CSTF3: variants seen among roughly 807,000 people sequenced by gnomAD.
CSTF3 encodes CF-1 77 kDa subunit.
A neutral mutation model predicts 105.8 loss-of-function variants in CSTF3; 29 were observed. That is an observed-to-expected ratio of 0.27 (90% CI 0.20 to 0.37). The LOEUF (loss-of-function observed/expected upper bound fraction) is 0.37, where lower values mean the gene tolerates loss of function less well. Ranked by LOEUF, CSTF3 falls within the 10% of genes least tolerant of loss-of-function variation. CSTF3 has a pLI of 1.00. For synonymous variants in CSTF3, 252 were observed against 281.9 expected (o/e 0.89, Z 1.06); for missense variants, 357 against 879.3 (o/e 0.41, Z 7.51).
At chr11:33,120,193 A>T (rs1415788936) in intron 3 of CSTF3, among the ~76,000 whole-genome samples, 1 of 151,750 alleles carries the variant, frequency 6.6e-6, no homozygotes, top group Non-Finnish European at 1.5e-5. Flanking sequence ...GCTAAACAGC[A>T]TGTATCTAGG....
At chr11:33,148,193 G>T (rs1383432219) in intron 1 of CSTF3, among the ~76,000 whole-genome samples, 2 of 152,080 alleles carry the variant, frequency 1.3e-5, no homozygotes, top group Non-Finnish European at 2.9e-5. Context: ...ACAATAAGAC[G>T]TATACATGTC....
rs912113098 is a variant in CSTF3, at chr11:33,131,612, C to T, written c.225+10055G>A. The stretch of plus-strand genomic sequence containing the variant: ...CTGTAATCCCCGCACTTTGGGAGGC[C>T]GAGGCAGGCGGATCACGAGGTCAGG... On this transcript the variant is annotated intron_variant, in intron 3 of 20. Transcript: ENST00000323959. Among the ~76,000 whole-genome samples the T allele has an allele frequency of 4.6e-5, 7 of 151,886 alleles. No homozygotes were observed. In the East Asian group the frequency reaches 9.7e-4, roughly 21 times the overall value.
intron 3 of CSTF3, among the ~76,000 whole-genome samples, chr11:33,122,341 T>G (rs559867516): frequency 2.0e-5 from 3 of 152,290 alleles, no homozygotes; most frequent in Admixed American, 2.0e-4. Flanking sequence ...ACCTTATTAT[T>G]CTCTATATAC....
At chr11:33,108,067 G>T in intron 4 of CSTF3, 67 bp from the exon 5 acceptor site, 1 of 998,948 alleles carries the variant, frequency 1.0e-6, no homozygotes, top group Non-Finnish European at 1.5e-6. Flanking sequence ...AGATGAAATG[G>T]AACATTAAAA....
rs750677758 is a variant in CSTF3 at position 33,098,781 on chromosome 11, G to A, written c.1054-17C>T. 1.1e-5 allele frequency: 17 copies of A among 1,479,116 alleles called. No homozygotes were observed. The East Asian group carries it at 4.1e-4, about 35-fold the overall frequency. 91.6% of individuals were successfully genotyped at this position (1,479,116 alleles called of 1,614,324 possible). On this transcript the variant is annotated splice_polypyrimidine_tract_variant and intron_variant, in intron 12 of 20. Transcript: ENST00000323959. ...CATGCGACTCTAAGGTGGTACAGAA[G>A]AAGTGAGTATCAACATATGGTCATA...
chr11:33,096,233 G>T, intron 15 of CSTF3, 73 bp downstream of exon 15: 1 of 1,060,848 alleles, frequency 9.4e-7, no homozygotes. Context: ...CATTCAAGAA[G>T]GAAGAAATCT....
At position 33,096,311 on chromosome 11, in the gene CSTF3, A is replaced by G; in HGVS notation, c.1370T>C (p.Leu457Pro). The G allele has an allele frequency of 6.5e-7, 1 of 1,547,734 alleles. No individual in the cohort carries two copies. Among genetic ancestry groups the G allele is most frequent in the Admixed American group, 2.3e-5 (1 of 43,640 alleles). The change falls in exon 15 of 21, where the codon CTC becomes CCC. Residue 457 changes from leucine to proline, a missense_variant. Around this residue, in one of 4 missense-constraint regions of CSTF3, gnomAD observed 206 missense variants for 576.5 expected, o/e 0.36. Transcript: ENST00000323959. ...VLAYIDYLSH[L>P]NEDNNTRVLF... ...AGATTCTAGAATCAACCTACCATTG[A>G]GGTGAGAAAGATAGTCAATATAGGC... is the stretch of plus-strand genomic sequence containing the variant.
chr11:33,121,244 G>T (rs1051812696), intron 3 of CSTF3, among the ~76,000 whole-genome samples: 3 of 152,004 alleles, frequency 2.0e-5, no homozygotes, highest in Non-Finnish European at 4.4e-5. Context: ...GAATCAAGAA[G>T]ATTTAGACGT....
At chr11:33,161,038 C>A (rs891288731) in intron 1 of CSTF3, among the ~76,000 whole-genome samples, 4 of 152,116 alleles carry the variant, frequency 2.6e-5, no homozygotes, top group Non-Finnish European at 4.4e-5. Context: ...CTGGAGTAGT[C>A]CCATGAATCT....
chr11:33,154,789 G>A (rs1849838775), intron 1 of CSTF3, among the ~76,000 whole-genome samples: 1 of 152,100 alleles, frequency 6.6e-6, no homozygotes, highest in South Asian at 2.1e-4. Context: ...GTGAGCCACG[G>A]TGCCGTGCTG....
intron 3 of CSTF3, among the ~76,000 whole-genome samples, chr11:33,117,360 G>A (rs1212383367): frequency 2.6e-5 from 4 of 151,910 alleles, no homozygotes; most frequent in East Asian, 1.9e-4. Context: ...AAGGGTATAC[G>A]AAGGATCTGG....
Position 33,109,978 on chromosome 11 carries a change from A to G in CSTF3, c.226-1560T>C, listed in dbSNP as rs867915495. On this transcript the variant is annotated intron_variant, in intron 3 of 20. Transcript: ENST00000323959. Reference sequence around the variant, plus strand: ...GTGAATATTCTCTTCCACTTAGCCTATTACTGTATTTGGTTCATACATAAC... The same window carrying G: ...GTGAATATTCTCTTCCACTTAGCCTGTTACTGTATTTGGTTCATACATAAC... Among the ~76,000 whole-genome samples, 15 of 152,296 alleles carry G rather than the reference A, an allele frequency of 9.8e-5. No individual in the cohort carries two copies. The South Asian group carries it at 3.1e-3, about 32-fold the overall frequency.
At chr11:33,141,849 C>T (rs765501915) in intron 2 of CSTF3, 36 bp downstream of exon 2, 47 of 1,573,146 alleles carry the variant, frequency 3.0e-5, no homozygotes, top group Admixed American at 1.6e-4. Context: ...GTGATTGGAC[C>T]CATAGAGAAG....
intron 1 of CSTF3, among the ~76,000 whole-genome samples, chr11:33,156,114 T>C (rs376776263): frequency 3.3e-5 from 5 of 152,344 alleles, no homozygotes; most frequent in East Asian, 3.9e-4. Flanking sequence ...AACAGAATAT[T>C]TGATAATGCT....
chr11:33,144,413 A>G, intron 1 of CSTF3, among the ~76,000 whole-genome samples: 1 of 152,214 alleles, frequency 6.6e-6, no homozygotes. Flanking sequence ...TTTATAAGGG[A>G]CTATTGGCTC....
rs950979672 is a variant in CSTF3 at position 33,094,591 on chromosome 11, T to TA, written c.1375+1714dup. Among the ~76,000 whole-genome samples, 29 of 151,728 alleles carry TA rather than the reference T, an allele frequency of 1.9e-4. No homozygotes were observed. In the East Asian group the frequency reaches 2.7e-3, roughly 14 times the overall value. On this transcript the variant is annotated intron_variant, in intron 15 of 20. Transcript: ENST00000323959. ...AAAATACATATACTAGTAACTATTTTAAAAAAAAATTAGGCAAAACAATTT... is the reference window on the plus strand; with the variant it reads ...AAAATACATATACTAGTAACTATTTTAAAAAAAAAATTAGGCAAAACAATTT...
rs377235490 is a variant in CSTF3, at chr11:33,145,265, G to A, written c.28-3279C>T. ...AACCTCAGCAATATGGCGAAACCCCGTCTCTACAAAAAATACAAAGAATTA... is the reference window on the plus strand; with the variant it reads ...AACCTCAGCAATATGGCGAAACCCCATCTCTACAAAAAATACAAAGAATTA... On this transcript the variant is annotated intron_variant, in intron 1 of 20. Coordinates refer to ENST00000323959, the MANE Select transcript of CSTF3 (RefSeq NM_001326.3). Among the ~76,000 whole-genome samples the A allele has an allele frequency of 1.1e-3, 161 of 151,662 alleles. 1 individual carries two copies. The highest frequency in any genetic ancestry group is 5.0e-3 in the South Asian group (24 of 4,796).
chr11:33,146,024 G>A (rs1008957284), intron 1 of CSTF3, among the ~76,000 whole-genome samples: 16 of 151,990 alleles, frequency 1.1e-4, no homozygotes, highest in African/African-American at 3.6e-4. Flanking sequence ...ATCACCTGAG[G>A]TCAGGAGTTC....
intron 19 of CSTF3, 22 bp downstream of exon 19, chr11:33,085,873 C>A: frequency 6.3e-7 from 1 of 1,578,794 alleles, no homozygotes; most frequent in Non-Finnish European, 8.6e-7. Flanking sequence ...CCAGTATCTA[C>A]CATGAAAATA....
Sources: allele counts gnomAD v4.1 joint callset (sites outside exome capture counted in the v4.1 genomes callset), GRCh38; gene constraint gnomAD v4.1.1; regional missense constraint gnomAD v4.1.1; transcripts MANE v1.5; gene names NCBI Gene and HGNC (gene_info 2026-07-23, HGNC 2026-07-21).